ARFGEF3: variants seen among roughly 807,000 people sequenced by gnomAD.
The protein encoded by ARFGEF3 is ARFGEF family member 3, also known as brefeldin A-inhibited guanine nucleotide-exchange protein 3.
ARFGEF3 carries 96 observed loss-of-function variants against 221.7 expected under a neutral mutation model. The observed-to-expected ratio is 0.43, with a 90% CI of 0.37 to 0.51. The LOEUF is 0.51. Ranked by LOEUF, ARFGEF3 falls within the 20% of genes least tolerant of loss-of-function variation. The probability of loss-of-function intolerance (pLI) is 0.00; values close to 1 mark genes in which losing one functional copy is unlikely to be tolerated. For missense variants in ARFGEF3, 2,410 were observed against 2,789.9 expected, an observed-to-expected ratio of 0.86 and a Z score of 3.07; for synonymous variants, 1,145 against 1,126.8, an observed-to-expected ratio of 1.02 and a Z score of -0.32.
At chr6:138,326,673 T>C (rs982863571) in intron 31 of ARFGEF3, among the ~76,000 whole-genome samples, 9 of 152,162 alleles carry the variant, frequency 5.9e-5, no homozygotes, top group African/African-American at 1.4e-4. Flanking sequence ...GAGTATAAAT[T>C]AGTTTAACCA....
intron 10 of ARFGEF3, among the ~76,000 whole-genome samples, chr6:138,256,408 G>T (rs1157578830): frequency 6.6e-6 from 1 of 152,126 alleles, no homozygotes; most frequent in African/African-American, 2.4e-5. Flanking sequence ...TTTTGTATTT[G>T]TGAATATGTT....
At chr6:138,202,791 C>T (rs7739127) in intron 2 of ARFGEF3, among the ~76,000 whole-genome samples, 23,919 of 151,734 alleles carry the variant, frequency 0.16, 3,981 homozygotes, top group African/African-American at 0.42. Context: ...GCACTATTGA[C>T]GTAGACATTT....
chr6:138,287,516 C>A (rs2114630143), intron 17 of ARFGEF3, among the ~76,000 whole-genome samples: 1 of 152,330 alleles, frequency 6.6e-6, no homozygotes, highest in South Asian at 2.1e-4. Flanking sequence ...CACTTGAAGA[C>A]CCTTCGGGTT....
At chr6:138,289,997 G>A (rs775042043) in intron 18 of ARFGEF3, 29 bp downstream of exon 18, 6 of 1,586,972 alleles carry the variant, frequency 3.8e-6, no homozygotes, top group Non-Finnish European at 5.1e-6. Context: ...CCCCCAGATG[G>A]CACTAACCCT....
At position 138,253,920 on chromosome 6, in the gene ARFGEF3, C is replaced by T; in HGVS notation, c.706C>T (p.Leu236=). The T allele has an allele frequency of 6.3e-7, 1 of 1,595,552 alleles. No homozygotes were observed. Residue 236 remains leucine (L), a synonymous_variant, in exon 9 of 34, where the codon CTG becomes TTG. Transcript: ENST00000251691. ...QLQLLYLECI[L]SVLSSSSSSM... is the part of the protein sequence containing the mutation. Reference sequence around the variant, plus strand: ...GCAGCTTCTCTACCTGGAGTGCATCCTGTCTGTGCTCAGCAGCTCCTCCTC... The same window carrying T: ...GCAGCTTCTCTACCTGGAGTGCATCTTGTCTGTGCTCAGCAGCTCCTCCTC...
At chr6:138,309,265 C>T (rs1300576562) in intron 24 of ARFGEF3, among the ~76,000 whole-genome samples, 1 of 152,120 alleles carries the variant, frequency 6.6e-6, no homozygotes, top group Non-Finnish European at 1.5e-5. Context: ...CCTTCCCTTT[C>T]ATTTCACCCT....
chr6:138,333,929 G>A, intron 32 of ARFGEF3, 41 bp from the exon 33 acceptor site: 1 of 1,561,024 alleles, frequency 6.4e-7, no homozygotes, highest in Non-Finnish European at 8.7e-7. Flanking sequence ...CCTGATATAG[G>A]GCAGAAAACC....
intron 2 of ARFGEF3, among the ~76,000 whole-genome samples, chr6:138,195,926 A>G (rs1777408732): frequency 6.6e-6 from 1 of 151,760 alleles, no homozygotes; most frequent in African/African-American, 2.4e-5. Flanking sequence ...TAAAATTGAC[A>G]TGTGGGAGAT....
chr6:138,242,428 C>G (rs576903221), intron 6 of ARFGEF3, among the ~76,000 whole-genome samples: 9 of 152,256 alleles, frequency 5.9e-5, no homozygotes, highest in African/African-American at 1.9e-4. Context: ...AAAATGCTCC[C>G]CATCAAATAC....
intron 22 of ARFGEF3, among the ~76,000 whole-genome samples, chr6:138,301,237 G>A (rs183219909): frequency 4.6e-5 from 7 of 152,284 alleles, no homozygotes; most frequent in African/African-American, 1.7e-4. Flanking sequence ...ACCATCTGAG[G>A]GGTCTGGAAA....
chr6:138,330,649 G>A lies in ARFGEF3; in HGVS notation c.5123+2507G>A, dbSNP rs139768250. Among the ~76,000 whole-genome samples the A allele has an allele frequency of 8.6e-4, 131 of 152,270 alleles. No individual in the cohort carries two copies. The East Asian group carries it at 0.021, about 24-fold the overall frequency. ...CACGCCACTGCACTCCAGCCTGGAT[G>A]GCAGAGCAAGATTTCATCTCAAAAA... On this transcript the variant is annotated intron_variant, in intron 32 of 33. Transcript: ENST00000251691.
chr6:138,211,280 A>G (rs1026608607), intron 4 of ARFGEF3, among the ~76,000 whole-genome samples: 2 of 152,230 alleles, frequency 1.3e-5, no homozygotes, highest in Non-Finnish European at 2.9e-5. Context: ...GGGAGTAGGA[A>G]TGTGCAGCTT....
intron 4 of ARFGEF3, among the ~76,000 whole-genome samples, chr6:138,210,774 T>C (rs1777711408): frequency 6.6e-6 from 1 of 152,192 alleles, no homozygotes; most frequent in Non-Finnish European, 1.5e-5. Flanking sequence ...GGGGAACATA[T>C]GTTGAGAAAT....
At chr6:138,327,923 A>T in intron 31 of ARFGEF3, 98 bp from the exon 32 acceptor site, 1 of 895,140 alleles carries the variant, frequency 1.1e-6, no homozygotes, top group Non-Finnish European at 1.7e-6. Flanking sequence ...CTCATTTTAT[A>T]GATGAGGCTC....
In ARFGEF3 at chr6:138,234,568, G is replaced by A. The variant is rs73774695; in HGVS notation, c.421-3941G>A. Among the ~76,000 whole-genome samples, 1,184 of 152,070 alleles carry A rather than the reference G, an allele frequency of 7.8e-3. 11 individuals are homozygous for A. The highest frequency in any genetic ancestry group is 0.026 in the African/African-American group (1,085 of 41,468). ...TTGCCACATACCTACCTGTTGACCT[G>A]TCTTAGGAAGGAGAGAATAAGGAAT... On this transcript the variant is annotated intron_variant, in intron 5 of 33. Transcript: ENST00000251691.
chr6:138,285,259 C>G (rs975497700), intron 14 of ARFGEF3, among the ~76,000 whole-genome samples: 3 of 152,022 alleles, frequency 2.0e-5, no homozygotes, highest in Non-Finnish European at 2.9e-5. Context: ...GTCAGGAGAT[C>G]GAGACCATCC....
rs1291176580 is a variant in ARFGEF3, at chr6:138,254,001, G to A, written c.770+17G>A. On this transcript the variant is annotated intron_variant, in intron 9 of 33. Coordinates refer to ENST00000251691, the MANE Select transcript of ARFGEF3 (RefSeq NM_020340.5). ...CCTGATCTGGTGAGCACCCACTCCT[G>A]ACGCCCCGACGCTGATGCCAACCCA... 7 of 1,508,234 alleles carry A rather than the reference G, an allele frequency of 4.6e-6. No individual in the cohort carries two copies. The highest frequency in any genetic ancestry group is 6.2e-6 in the Non-Finnish European group (7 of 1,125,478). The allele number at this position is 1,508,234 out of a possible 1,614,324, so 93.4% of individuals were successfully genotyped here.
At chr6:138,295,465 CA>C (rs541897649) in intron 20 of ARFGEF3, among the ~76,000 whole-genome samples, 12,482 of 125,586 alleles carry the variant, frequency 0.099, 748 homozygotes, top group South Asian at 0.27. Context: ...ACTAAAAATG[CA>C]AAAAAAAAAA....
chr6:138,162,585 G>A lies in ARFGEF3; in HGVS notation c.85+414G>A, dbSNP rs932303626. 1.3e-5 allele frequency among the ~76,000 whole-genome samples: 2 copies of A among 152,200 alleles called. No individual in the cohort carries two copies. Among genetic ancestry groups the A allele is most frequent in the Non-Finnish European group, 2.9e-5 (2 of 68,032 alleles). On this transcript the variant is annotated intron_variant, in intron 1 of 33. Coordinates refer to ENST00000251691, the MANE Select transcript of ARFGEF3 (RefSeq NM_020340.5). This position sits in a 1 kb window ranked among gnomAD's most constrained non-coding sequence, Gnocchi z 4.7. ...TCGAATCCTTGGCGAGTGGAACCAG[G>A]AAGGAAAGGCTTGTTTAATTTGATT...
Sources: gnomAD v4.1 joint callset for allele counts (sites outside exome capture counted in the v4.1 genomes callset) on GRCh38, gnomAD v4.1.1 for gene constraint, Gnocchi (gnomAD v3.1) non-coding constraint, MANE v1.5 for transcripts, NCBI Gene and HGNC (gene_info 2026-07-23, HGNC 2026-07-21) for gene names.